AASS: variants seen among roughly 807,000 people sequenced by gnomAD.
AASS encodes the protein alpha-aminoadipic semialdehyde synthase, mitochondrial.
Under a neutral mutation model 105.4 loss-of-function variants are expected in AASS, and 86 were observed. That is an observed-to-expected ratio of 0.82 (90% confidence interval 0.69 to 0.98). AASS has a LOEUF of 0.98. Ranked by LOEUF, AASS falls within the 50% of genes least tolerant of loss-of-function variation. The pLI, the probability that AASS is intolerant of heterozygous loss-of-function variation, is 0.00. For missense variants in AASS, 1,048 were observed against 1,143.2 expected, an observed-to-expected ratio of 0.92 and a Z score of 1.20; for synonymous variants, 381 against 394.8, an observed-to-expected ratio of 0.96 and a Z score of 0.41.
chr7:122,123,588 A>G (rs1435712663), intron 4 of AASS, among the ~76,000 whole-genome samples: 1 of 152,198 alleles, frequency 6.6e-6, no homozygotes, highest in Non-Finnish European at 1.5e-5. Context: ...ATTTTGACCA[A>G]TGGGTATGAG....
intron 18 of AASS, among the ~76,000 whole-genome samples, chr7:122,088,405 C>T (rs534036590): frequency 2.6e-5 from 4 of 152,248 alleles, no homozygotes; most frequent in African/African-American, 9.6e-5. Flanking sequence ...CATGAAACAA[C>T]TCATTTTTCA....
intron 4 of AASS, among the ~76,000 whole-genome samples, chr7:122,125,329 T>C (rs1467068393): frequency 1.3e-5 from 2 of 152,212 alleles, no homozygotes; most frequent in Non-Finnish European, 2.9e-5. Flanking sequence ...CAGAATGACA[T>C]AAGCCATAAT....
intron 1 of AASS, among the ~76,000 whole-genome samples, chr7:122,140,312 C>T (rs1283527866): frequency 2.6e-5 from 4 of 151,322 alleles, no homozygotes; most frequent in African/African-American, 9.7e-5. Flanking sequence ...GGTGAAACCC[C>T]GTCTCTACTA....
Position 122,086,029 on chromosome 7 carries a change from C to T in AASS, c.2167G>A (p.Gly723Arg). ...GISSAHTLLRGTLRYKGYMKA... is the reference protein window; with the variant it reads ...GISSAHTLLRRTLRYKGYMKA... The stretch of plus-strand genomic sequence containing the variant: ...CTGCTTACCTTATATCTCAGTGTCC[C>T]CCGCAACAAAGTGTGAGCAGAAGAA... The change falls in exon 19 of 24, where the codon GGG becomes AGG. Residue 723 changes from glycine (G) to arginine (R), a missense_variant. Gly to Arg is a moderately radical substitution (Grantham distance 125). Transcript: ENST00000417368. The T allele has an allele frequency of 1.2e-6, 2 of 1,613,460 alleles. No homozygotes were observed. The highest frequency in any genetic ancestry group is 1.7e-6 in the Non-Finnish European group (2 of 1,179,702).
In AASS at chr7:122,101,371, C is replaced by T. The variant is rs2150524076; in HGVS notation, c.1406G>A (p.Arg469Lys). ...ACAAGAGGATTTGAACAATACTTAC[C>T]TGCTCTCCCGGAGTGTCTGGATATA... ...YKYIQTLRES[R>K]ERAQSLSMGT... Residue 469 changes from arginine to lysine, a missense_variant and splice_region_variant, in exon 13 of 24, where the codon AGG becomes AAG. Transcript: ENST00000417368. 2 of 1,603,796 alleles carry T rather than the reference C, an allele frequency of 1.2e-6. No homozygotes were observed. Among genetic ancestry groups the T allele is most frequent in the South Asian group, 1.1e-5 (1 of 90,868 alleles).
At chr7:122,116,608 C>A (rs1167247252) in intron 8 of AASS, 25 bp downstream of exon 8, 3 of 1,613,666 alleles carry the variant, frequency 1.9e-6, no homozygotes, top group Non-Finnish European at 2.5e-6. Context: ...AAGCAACCAA[C>A]TTAAAAGGTG....
rs777979593 is a variant in AASS, at chr7:122,115,128, G to A, written c.989C>T (p.Ala330Val). Residue 330 changes from alanine (A) to valine (V), a missense_variant, in exon 9 of 24, where the codon GCT becomes GTT. By Grantham distance (64) the Ala-to-Val change is moderately conservative. Coordinates refer to ENST00000417368, the MANE Select transcript of AASS (RefSeq NM_005763.4). The stretch of plus-strand genomic sequence containing the variant: ...ACCAGCAGGTGAGAACTTGCCCGGA[G>A]CCAGGAGACTCTGAGCATCTTGGCG... ...LTRQDAQSLL[A>V]PGKFSPAGVE... 9.9e-6 allele frequency: 16 copies of A among 1,614,202 alleles called. No individual in the cohort carries two copies. In the South Asian group the frequency reaches 1.5e-4, roughly 16 times the overall value.
At chr7:122,085,420 G>T (rs568886134) in intron 19 of AASS, among the ~76,000 whole-genome samples, 44 of 151,972 alleles carry the variant, frequency 2.9e-4, no homozygotes, top group African/African-American at 8.5e-4. Context: ...CCCATTTTGT[G>T]GTTTAAAAAC....
At position 122,081,566 on chromosome 7, in the gene AASS, T is replaced by C; in HGVS notation, c.2214A>G (p.Val738=). ...KGYMKALNGF[V]KLGLINREAL... ...CTTCTCTGTTTATAAGACCTAATTT[T>C]ACAAATCCATTCAAAGCTTTCATAT... Residue 738 remains valine, a synonymous_variant, in exon 20 of 24, where the codon GTA becomes GTG. Transcript: ENST00000417368. 1 of 1,613,778 alleles carries C rather than the reference T, an allele frequency of 6.2e-7. No homozygotes were observed. Among genetic ancestry groups the C allele is most frequent in the Non-Finnish European group, 8.5e-7 (1 of 1,179,726 alleles).
chr7:122,097,289 T>C (rs192910597), intron 15 of AASS, among the ~76,000 whole-genome samples: 1 of 152,182 alleles, frequency 6.6e-6, no homozygotes, highest in Non-Finnish European at 1.5e-5. Context: ...AACTTTCTTC[T>C]TCTCATCTTG....
intron 15 of AASS, 54 bp downstream of exon 15, chr7:122,098,396 T>C: frequency 6.2e-7 from 1 of 1,602,678 alleles, no homozygotes; most frequent in Non-Finnish European, 8.5e-7. Context: ...GAAAGAAAAA[T>C]GAGAAAAGAA....
intron 11 of AASS, among the ~76,000 whole-genome samples, chr7:122,102,130 C>G (rs1794460373): frequency 6.6e-6 from 1 of 151,870 alleles, no homozygotes; most frequent in South Asian, 2.1e-4. Flanking sequence ...AGTAAGGGGT[C>G]TCCCTCAGAT....
chr7:122,079,508 C>T (rs1194850311), intron 21 of AASS, 89 bp downstream of exon 21: 4 of 1,185,768 alleles, frequency 3.4e-6, no homozygotes, highest in East Asian at 4.9e-5. Context: ...TAATCAAAGA[C>T]AAATGTAAAA....
chr7:122,123,384 T>C (rs1049547375), intron 4 of AASS, among the ~76,000 whole-genome samples: 25 of 152,316 alleles, frequency 1.6e-4, no homozygotes, highest in African/African-American at 5.5e-4. Context: ...CTATTTTCCA[T>C]CTATCAAGGA....
chr7:122,137,088 T>G (rs1470533325), intron 1 of AASS, among the ~76,000 whole-genome samples: 1 of 152,232 alleles, frequency 6.6e-6, no homozygotes, highest in East Asian at 1.9e-4. Context: ...AATAATAATT[T>G]CTGTAACTTT....
chr7:122,139,884 G>A lies in AASS; in HGVS notation c.-16+4277C>T, dbSNP rs1315056788. 2.0e-5 allele frequency among the ~76,000 whole-genome samples: 3 copies of A among 151,936 alleles called. No homozygotes were observed. In the East Asian group the frequency reaches 5.9e-4, roughly 30 times the overall value. ...TGAAAATCACTTGAGCCCAGGAGGCGAAGTTTGCAGTAAGTGAAGATCATG... is the reference window on the plus strand; with the variant it reads ...TGAAAATCACTTGAGCCCAGGAGGCAAAGTTTGCAGTAAGTGAAGATCATG... On this transcript the variant is annotated intron_variant, in intron 1 of 23. Coordinates refer to ENST00000417368, the MANE Select transcript of AASS (RefSeq NM_005763.4).
rs769040358 is a variant in AASS at position 122,074,892 on chromosome 7, C to T, written c.*1597G>A. ...TTGTTTTTTTTGAGTCAAGGTCTAA[C>T]TCTGTCATCCAGGCTGGATTGCAGT... On this transcript the variant is annotated 3_prime_UTR_variant, in exon 24 of 24. Coordinates refer to ENST00000417368, the MANE Select transcript of AASS (RefSeq NM_005763.4). 9.2e-5 allele frequency among the ~76,000 whole-genome samples: 14 copies of T among 151,916 alleles called. No homozygotes were observed. The highest frequency in any genetic ancestry group is 1.9e-4 in the Non-Finnish European group (13 of 67,978).
At chr7:122,129,236 A>G in intron 3 of AASS, 125 bp downstream of exon 3, 1 of 610,730 alleles carries the variant, frequency 1.6e-6, no homozygotes, top group Non-Finnish European at 2.6e-6. Context: ...ATTTCAGAAT[A>G]TAAAAGGAAT....
chr7:122,080,649 G>A (rs541063793), intron 20 of AASS, among the ~76,000 whole-genome samples: 1 of 152,186 alleles, frequency 6.6e-6, no homozygotes, highest in Admixed American at 6.5e-5. Flanking sequence ...ATGAATGCTT[G>A]AGGTGGTAGA....
Sources: allele counts gnomAD v4.1 joint callset (sites outside exome capture counted in the v4.1 genomes callset), GRCh38; gene constraint gnomAD v4.1.1; transcripts MANE v1.5; gene names NCBI Gene and HGNC (gene_info 2026-07-23, HGNC 2026-07-21).